The following SLC9A4 variants were observed in gnomAD, a reference collection of about 807,000 sequenced individuals.
The protein encoded by SLC9A4 is solute carrier family 9 member A4.
A neutral mutation model predicts 67.4 loss-of-function variants in SLC9A4; 63 were observed. The ratio of observed to expected loss-of-function variants is 0.93; its 90% CI spans 0.76 to 1.15. The LOEUF (loss-of-function observed/expected upper bound fraction) is 1.15, where lower values mean the gene tolerates loss of function less well. SLC9A4 is among the 50% of genes most tolerant of loss of function. The probability of loss-of-function intolerance (pLI) is 0.00; values close to 1 mark genes in which losing one functional copy is unlikely to be tolerated. For synonymous variants in SLC9A4, 393 were observed against 367.2 expected (o/e 1.07, Z -0.80); for missense variants, 1,089 against 987.7 (o/e 1.10, Z -1.38).
intron 2 of SLC9A4, among the ~76,000 whole-genome samples, chr2:102,481,461 T>C (rs539701558): frequency 6.6e-6 from 1 of 152,268 alleles, no homozygotes; most frequent in South Asian, 2.1e-4. Context: ...CCTTTCTGGG[T>C]TGACAAACTT....
intron 2 of SLC9A4, among the ~76,000 whole-genome samples, chr2:102,480,203 T>A (rs1684429455): frequency 6.6e-6 from 1 of 152,184 alleles, no homozygotes. Context: ...AGGCAACCAC[T>A]TTTATCAGCT....
intron 2 of SLC9A4, among the ~76,000 whole-genome samples, chr2:102,480,442 CA>C (rs1684435741): frequency 6.6e-6 from 1 of 151,860 alleles, no homozygotes; most frequent in Non-Finnish European, 1.5e-5. Flanking sequence ...CGGCTCACTG[CA>C]ACCGTGTCTG....
At chr2:102,507,512 G>A (rs946749817) in intron 4 of SLC9A4, among the ~76,000 whole-genome samples, 3 of 152,058 alleles carry the variant, frequency 2.0e-5, no homozygotes, top group Non-Finnish European at 4.4e-5. Flanking sequence ...CTGAGAGTAA[G>A]AAGCGCCCAC....
intron 2 of SLC9A4, among the ~76,000 whole-genome samples, chr2:102,497,583 AGG>A (rs1218852606): frequency 6.6e-6 from 1 of 152,172 alleles, no homozygotes; most frequent in Non-Finnish European, 1.5e-5. Context: ...GCCCGAAAAA[AGG>A]AGTTCATAAT....
chr2:102,490,825 A>C (rs1464640881), intron 2 of SLC9A4, among the ~76,000 whole-genome samples: 1 of 152,186 alleles, frequency 6.6e-6, no homozygotes, highest in Non-Finnish European at 1.5e-5. Flanking sequence ...ATAGCCAAAA[A>C]CAACAAAGGT....
rs1460372415 is a variant in SLC9A4, at chr2:102,526,265, A to G, written c.1957A>G (p.Thr653Ala). The change falls in exon 11 of 12, where the codon ACC becomes GCC. Residue 653 changes from threonine (T) to alanine (A), a missense_variant. Physicochemically the swap from Thr to Ala is moderately conservative, Grantham distance 58. Coordinates refer to ENST00000295269, the MANE Select transcript of SLC9A4 (RefSeq NM_001011552.4). Reference protein sequence around the residue: ...HSLPWGKPAGTKNIRYLSYPY... With the variant: ...HSLPWGKPAGAKNIRYLSYPY... ...TTCTACTTGCTACCCACAGGCTGGC[A>G]CCAAGAATATCCGCTACCTCTCCTA... 6.2e-7 allele frequency: 1 copy of G among 1,613,592 alleles called. No homozygotes were observed. The highest frequency in any genetic ancestry group is 8.5e-7 in the Non-Finnish European group (1 of 1,179,642).
intron 1 of SLC9A4, among the ~76,000 whole-genome samples, chr2:102,476,638 AAG>A (rs1684338979): frequency 6.6e-6 from 1 of 152,132 alleles, no homozygotes; most frequent in Non-Finnish European, 1.5e-5. Context: ...GAAAAAAGTT[AAG>A]TTTGGTTAAA....
intron 2 of SLC9A4, among the ~76,000 whole-genome samples, chr2:102,484,942 T>G (rs1434401847): frequency 6.6e-6 from 1 of 152,176 alleles, no homozygotes; most frequent in African/African-American, 2.4e-5. Context: ...CTGGATGCCA[T>G]TCTCTAGGAG....
intron 2 of SLC9A4, among the ~76,000 whole-genome samples, chr2:102,491,188 GGA>G (rs1466471857): frequency 2.0e-5 from 3 of 152,220 alleles, no homozygotes; most frequent in African/African-American, 4.8e-5. Flanking sequence ...AAGAAATATT[GGA>G]TAAGCAGTAC....
At chr2:102,526,895 G>A (rs1674677848) in intron 11 of SLC9A4, among the ~76,000 whole-genome samples, 1 of 152,090 alleles carries the variant, frequency 6.6e-6, no homozygotes, top group Non-Finnish European at 1.5e-5. Context: ...ATTTTTATAT[G>A]TGTATAAAAT....
rs115752421 is a variant in SLC9A4 at position 102,475,532 on chromosome 2, A to C, written c.256+1517A>C. On this transcript the variant is annotated intron_variant, in intron 1 of 11. Transcript: ENST00000295269. ...CTTGTTTTGTAGAGGCATTGTATGC[A>C]CCCAGATTCATTCTGTCTAGGAGCG... 3.4e-3 allele frequency among the ~76,000 whole-genome samples: 515 copies of C among 152,328 alleles called. 5 individuals are homozygous for C. The highest frequency in any genetic ancestry group is 0.011 in the African/African-American group (476 of 41,572).
At chr2:102,525,287 T>C (rs866821998) in intron 10 of SLC9A4, 132 bp downstream of exon 10, 2 of 1,392,148 alleles carry the variant, frequency 1.4e-6, no homozygotes, top group South Asian at 1.4e-5. Context: ...CCTTGTTACC[T>C]GAGAGATACT....
At chr2:102,524,055 C>T (rs562105295) in intron 9 of SLC9A4, among the ~76,000 whole-genome samples, 1 of 152,370 alleles carries the variant, frequency 6.6e-6, no homozygotes, top group East Asian at 1.9e-4. Flanking sequence ...CTCCAGGAAA[C>T]TGTAAGCCTT....
intron 2 of SLC9A4, among the ~76,000 whole-genome samples, chr2:102,501,580 T>C (rs1684942249): frequency 6.6e-6 from 1 of 151,956 alleles, no homozygotes; most frequent in South Asian, 2.1e-4. Context: ...GGTGATGTTA[T>C]AGGGAATCAG....
At chr2:102,509,436 C>T (rs559370638) in intron 6 of SLC9A4, among the ~76,000 whole-genome samples, 1 of 152,326 alleles carries the variant, frequency 6.6e-6, no homozygotes, top group South Asian at 2.1e-4. Flanking sequence ...ACTTAATCCT[C>T]CTTTAAACTA....
intron 8 of SLC9A4, among the ~76,000 whole-genome samples, chr2:102,515,847 A>G (rs1283979471): frequency 6.6e-6 from 1 of 152,064 alleles, no homozygotes; most frequent in Non-Finnish European, 1.5e-5. Context: ...CCTCATGGAC[A>G]CCATACTCTG....
intron 1 of SLC9A4, among the ~76,000 whole-genome samples, chr2:102,476,541 A>G (rs1377746235): frequency 3.3e-5 from 5 of 152,326 alleles, no homozygotes; most frequent in African/African-American, 7.2e-5. Context: ...ATTTCAGGAA[A>G]CTGGATTCCT....
At chr2:102,511,408 A>C (rs1183294173) in intron 6 of SLC9A4, among the ~76,000 whole-genome samples, 1 of 152,050 alleles carries the variant, frequency 6.6e-6, no homozygotes, top group Non-Finnish European at 1.5e-5. Flanking sequence ...TGGATATTTC[A>C]CTCTTCTCTC....
intron 9 of SLC9A4, among the ~76,000 whole-genome samples, chr2:102,522,929 C>T (rs1558673336): frequency 1.3e-5 from 2 of 152,132 alleles, no homozygotes; most frequent in Admixed American, 6.6e-5. Context: ...GGATTTACCC[C>T]TCCCTCACTG....
Sources: gnomAD v4.1 joint callset for allele counts (sites outside exome capture counted in the v4.1 genomes callset) on GRCh38, gnomAD v4.1.1 for gene constraint, MANE v1.5 for transcripts, NCBI Gene and HGNC (gene_info 2026-07-23, HGNC 2026-07-21) for gene names.